EEA1: variants seen among roughly 807,000 people sequenced by gnomAD.
EEA1 encodes early endosome antigen 1, also known as early endosome antigen 1, 162kD.
Under a neutral mutation model 209.2 loss-of-function variants are expected in EEA1, and 111 were observed. That is an observed-to-expected ratio of 0.53 (90% CI 0.45 to 0.62). The LOEUF (loss-of-function observed/expected upper bound fraction) is 0.62. EEA1 is among the 20% of genes least tolerant of loss of function. The probability of loss-of-function intolerance (pLI) is 0.00; values close to 1 mark genes in which losing one functional copy is unlikely to be tolerated. For synonymous variants in EEA1, 536 were observed against 540.6 expected, an observed-to-expected ratio of 0.99 and a Z score of 0.12; for missense variants, 1,343 against 1,530.8, an observed-to-expected ratio of 0.88 and a Z score of 2.05.
chr12:92,912,941 T>C (rs1880631465), intron 1 of EEA1, among the ~76,000 whole-genome samples: 1 of 152,252 alleles, frequency 6.6e-6, no homozygotes, highest in Non-Finnish European at 1.5e-5. Flanking sequence ...TCCAATCATC[T>C]GTTGATGGAC....
rs1303365689 is a variant in EEA1 at position 92,772,396 on chromosome 12, T to G, written c.*3615A>C. 1 of 151,930 alleles carries G rather than the reference T, an allele frequency of 6.6e-6. No homozygotes were observed. Among genetic ancestry groups the G allele is most frequent in the Non-Finnish European group, 1.5e-5 (1 of 67,844 alleles). The allele number at this position is 151,930 out of a possible 1,614,324, so 9.4% of individuals were successfully genotyped here. A position where few individuals can be genotyped will look rare whatever the true frequency, so the allele number is the denominator to read the frequency against. ...AAATTGAACAACATTAAAACACCAC[T>G]GTCTATATCCAAGTGCAAAGTCCTA... On this transcript the variant is annotated 3_prime_UTR_variant, in exon 29 of 29. Transcript: ENST00000322349.
At chr12:92,928,026 T>C (rs1053536343) in intron 1 of EEA1, among the ~76,000 whole-genome samples, 2 of 152,202 alleles carry the variant, frequency 1.3e-5, no homozygotes, top group Non-Finnish European at 2.9e-5. Context: ...TCCTACAAAT[T>C]CACTAATTTC....
chr12:92,867,311 T>C (rs1162848059), intron 2 of EEA1, among the ~76,000 whole-genome samples: 1 of 152,198 alleles, frequency 6.6e-6, no homozygotes, highest in Non-Finnish European at 1.5e-5. Flanking sequence ...GCTTGTCAAG[T>C]TCCTATACTC....
intron 8 of EEA1, 27 bp from the exon 9 acceptor site, chr12:92,851,293 A>C (rs1483184007): frequency 6.3e-7 from 1 of 1,586,896 alleles, no homozygotes; most frequent in Non-Finnish European, 8.5e-7. Context: ...TTTAATTAAA[A>C]ATTAAAGTGA....
intron 21 of EEA1, among the ~76,000 whole-genome samples, chr12:92,798,510 C>T (rs1211609769): frequency 1.3e-5 from 2 of 151,852 alleles, no homozygotes; most frequent in Admixed American, 6.6e-5. Flanking sequence ...TTAGTAGAGA[C>T]GGGGTTTCAC....
At chr12:92,789,343 A>AC (rs977038156) in intron 21 of EEA1, among the ~76,000 whole-genome samples, 3 of 151,772 alleles carry the variant, frequency 2.0e-5, no homozygotes, top group African/African-American at 7.3e-5. Context: ...AAGAAAAAAA[A>AC]CCCAGATCTC....
chr12:92,865,547 T>C (rs1878345336), intron 2 of EEA1, among the ~76,000 whole-genome samples: 1 of 151,846 alleles, frequency 6.6e-6, no homozygotes, highest in Non-Finnish European at 1.5e-5. Context: ...CCATAAAATA[T>C]AAAAAACAAA....
chr12:92,845,529 C>T (rs1877354657), intron 9 of EEA1, among the ~76,000 whole-genome samples: 2 of 152,108 alleles, frequency 1.3e-5, no homozygotes, highest in South Asian at 4.1e-4. Flanking sequence ...TGGACTTTAA[C>T]CTTCTCCTGG....
Position 92,857,282 on chromosome 12 carries a change from T to A in EEA1, c.359A>T (p.Gln120Leu). ...GTAGTTAAAAGCAATTACTTGCTGC[T>A]GCAGCCCTTGATATTTTTCTAATTC... ...KKELEKYQGL[Q>L]QQEAKPDGLV... The change falls in exon 5 of 29, where the codon CAG becomes CTG. Residue 120 changes from glutamine to leucine, a missense_variant. Around this residue, in one of 3 missense-constraint regions of EEA1, gnomAD observed 1,307 missense variants for 1,465.5 expected, o/e 0.89. Transcript: ENST00000322349. The A allele has an allele frequency of 6.3e-7, 1 of 1,586,474 alleles. No homozygotes were observed. Among genetic ancestry groups the A allele is most frequent in the South Asian group, 1.2e-5 (1 of 84,584 alleles).
chr12:92,771,071 T>C lies in EEA1; in HGVS notation c.*4940A>G, dbSNP rs1463977636. 1 of 151,898 alleles carries C rather than the reference T, an allele frequency of 6.6e-6. No individual in the cohort carries two copies. Among genetic ancestry groups the C allele is most frequent in the African/African-American group, 2.4e-5 (1 of 41,388 alleles). The allele number at this position is 151,898 out of a possible 1,614,324, so 9.4% of individuals were successfully genotyped here. On this transcript the variant is annotated 3_prime_UTR_variant, in exon 29 of 29. Transcript: ENST00000322349. ...TTATTTGGCAGGACTTCAAATTTCTTCAGAATTTTTATCATGAAAGGCAGT... is the reference window on the plus strand; with the variant it reads ...TTATTTGGCAGGACTTCAAATTTCTCCAGAATTTTTATCATGAAAGGCAGT...
intron 2 of EEA1, among the ~76,000 whole-genome samples, chr12:92,880,498 G>A (rs555203970): frequency 3.3e-5 from 5 of 152,032 alleles, no homozygotes; most frequent in South Asian, 2.1e-4. Context: ...TGGAGGGGGC[G>A]GAGTCTCACT....
intron 13 of EEA1, among the ~76,000 whole-genome samples, chr12:92,824,656 T>C (rs1461303098): frequency 2.6e-5 from 4 of 152,160 alleles, no homozygotes; most frequent in Admixed American, 6.5e-5. Context: ...CTTCAGGTCT[T>C]TCATCTTTTC....
At chr12:92,922,690 C>T (rs1039636850) in intron 1 of EEA1, among the ~76,000 whole-genome samples, 1 of 152,164 alleles carries the variant, frequency 6.6e-6, no homozygotes. Flanking sequence ...CGGTGGCTCA[C>T]GCCTGTAATC....
intron 1 of EEA1, among the ~76,000 whole-genome samples, chr12:92,914,198 CT>C (rs1304484365): frequency 2.6e-5 from 4 of 152,162 alleles, no homozygotes; most frequent in Non-Finnish European, 5.9e-5. Context: ...GCCTCTGCCC[CT>C]GCCTTTGCTT....
At chr12:92,861,541 C>T (rs996796235) in intron 3 of EEA1, among the ~76,000 whole-genome samples, 2 of 152,108 alleles carry the variant, frequency 1.3e-5, no homozygotes, top group Non-Finnish European at 2.9e-5. Context: ...CAAACAAGTA[C>T]AAATGGTATC....
chr12:92,834,364 C>T (rs1876811470), intron 10 of EEA1, among the ~76,000 whole-genome samples: 2 of 151,612 alleles, frequency 1.3e-5, no homozygotes, highest in South Asian at 2.1e-4. Context: ...GGCAATATAG[C>T]AAGACTCTAT....
At chr12:92,795,158 C>T (rs1004809241) in intron 21 of EEA1, among the ~76,000 whole-genome samples, 4 of 152,282 alleles carry the variant, frequency 2.6e-5, no homozygotes, top group Admixed American at 6.5e-5. Flanking sequence ...ATCTCATAAT[C>T]TAATTTGCAT....
intron 9 of EEA1, among the ~76,000 whole-genome samples, chr12:92,850,627 T>A (rs1271610567): frequency 7.4e-6 from 1 of 134,368 alleles, no homozygotes; most frequent in Non-Finnish European, 1.5e-5. Flanking sequence ...GAGGTGGATG[T>A]TGCAGTGAGC....
chr12:92,793,355 A>G (rs1377141746), intron 21 of EEA1, among the ~76,000 whole-genome samples: 1 of 152,228 alleles, frequency 6.6e-6, no homozygotes, highest in Non-Finnish European at 1.5e-5. Context: ...CTGTTTGCAG[A>G]TGACATGATT....
Sources: allele counts gnomAD v4.1 joint callset (sites outside exome capture counted in the v4.1 genomes callset), GRCh38; gene constraint gnomAD v4.1.1; regional missense constraint gnomAD v4.1.1; transcripts MANE v1.5; gene names NCBI Gene and HGNC (gene_info 2026-07-23, HGNC 2026-07-21).